Variants in FCRL5 observed in about 807,000 individuals in gnomAD.
FCRL5 encodes the protein Fc receptor like 5.
A neutral mutation model predicts 92.1 loss-of-function variants in FCRL5; 79 were observed. The ratio of observed to expected loss-of-function variants is 0.86; its 90% confidence interval spans 0.72 to 1.03. The LOEUF is 1.03. Among genes scored for constraint, FCRL5 ranks in the 50% least tolerant of loss-of-function variants. FCRL5 has a pLI of 0.00. For synonymous variants in FCRL5, 466 were observed against 469.3 expected (o/e 0.99, Z 0.09); for missense variants, 1,160 against 1,181.1 (o/e 0.98, Z 0.26).
intron 7 of FCRL5, among the ~76,000 whole-genome samples, chr1:157,536,868 A>C (rs1485333769): frequency 6.6e-6 from 1 of 152,248 alleles, no homozygotes; most frequent in East Asian, 1.9e-4. Flanking sequence ...CCAAATTAAT[A>C]CTTTTATAAT....
chr1:157,516,105 C>T (rs1347015203), intron 15 of FCRL5: 1 of 616,106 alleles, frequency 1.6e-6, no homozygotes, highest in Non-Finnish European at 2.9e-6. Flanking sequence ...GTGGCCCACT[C>T]TGAGCTGCCT....
At chr1:157,530,174 A>C (rs760473725) in intron 8 of FCRL5, among the ~76,000 whole-genome samples, 30 of 152,200 alleles carry the variant, frequency 2.0e-4, no homozygotes, top group Non-Finnish European at 3.7e-4. Context: ...CGTGCATGGG[A>C]TCACAATAAC....
chr1:157,549,221 T>G (rs1404187475), intron 2 of FCRL5, among the ~76,000 whole-genome samples: 2 of 133,172 alleles, frequency 1.5e-5, no homozygotes, highest in African/African-American at 2.9e-5. Flanking sequence ...CACTCATAGG[T>G]GGGAATTGAA....
At chr1:157,523,815 G>A (rs1558128804) in intron 10 of FCRL5, 1 of 172,732 alleles carries the variant, frequency 5.8e-6, no homozygotes, top group Non-Finnish European at 1.2e-5. Context: ...CATAGCTTAT[G>A]TTAACATAGG....
At chr1:157,535,212 G>A (rs565455418) in intron 7 of FCRL5, among the ~76,000 whole-genome samples, 23 of 152,264 alleles carry the variant, frequency 1.5e-4, no homozygotes, top group African/African-American at 3.1e-4. Context: ...CACTTGCACC[G>A]CTCCTCACTT....
intron 10 of FCRL5, 95 bp from the exon 11 acceptor site, chr1:157,521,387 A>T (rs1650189339): frequency 7.3e-7 from 1 of 1,377,652 alleles, no homozygotes; most frequent in Non-Finnish European, 9.7e-7. Flanking sequence ...GTCATATCTC[A>T]ATCTTGGAAA....
In FCRL5 at chr1:157,513,520, C is replaced by T. The variant is rs1210776306; in HGVS notation, c.*2155G>A. 3 of 152,164 alleles carry T rather than the reference C, an allele frequency of 2.0e-5. No homozygotes were observed. The highest frequency in any genetic ancestry group is 7.2e-5 in the African/African-American group (3 of 41,430). The allele number at this position is 152,164 out of a possible 1,614,324, so 9.4% of individuals were successfully genotyped here. On this transcript the variant is annotated 3_prime_UTR_variant, in exon 17 of 17. Coordinates refer to ENST00000361835, the MANE Select transcript of FCRL5 (RefSeq NM_031281.3). ...AGTCCATATGCCAGCAAGCTCAAGACCCAAGAAGAGCCATTTTTCAGTTTG... is the reference window on the plus strand; with the variant it reads ...AGTCCATATGCCAGCAAGCTCAAGATCCAAGAAGAGCCATTTTTCAGTTTG...
chr1:157,536,470 C>A lies in FCRL5; in HGVS notation c.1403-1578G>T, dbSNP rs915690339. 3.9e-5 allele frequency among the ~76,000 whole-genome samples: 6 copies of A among 152,340 alleles called. 1 individual carries two copies. In the East Asian group the frequency reaches 1.2e-3, roughly 29 times the overall value. ...CTCCCTTGTTGGGCTCCCTCCTTCA[C>A]GCCTGGCTGCTCCTCAAACAGGTTG... On this transcript the variant is annotated intron_variant, in intron 7 of 16. Transcript: ENST00000361835.
In FCRL5 at chr1:157,546,965, A is replaced by T; in HGVS notation, c.285T>A (p.Pro95=). 6.2e-7 allele frequency: 1 copy of T among 1,613,562 alleles called. No individual in the cohort carries two copies. Among genetic ancestry groups the T allele is most frequent in the Non-Finnish European group, 8.5e-7 (1 of 1,179,660 alleles). Residue 95 remains proline (P), a synonymous_variant, in exon 3 of 17, where the codon CCT becomes CCA. Coordinates refer to ENST00000361835, the MANE Select transcript of FCRL5 (RefSeq NM_031281.3). ...CACCTGAAGAAAAATCCAAGTGCAC[A>T]GGGCTACTGAGAGGGGAGCCCTGGG... The part of the protein sequence containing the change: ...CQAQGSPLSS[P]VHLDFSSASL...
chr1:157,524,140 AG>A (rs1164889893), intron 10 of FCRL5, 138 bp downstream of exon 10: 1 of 766,802 alleles, frequency 1.3e-6, no homozygotes, highest in Non-Finnish European at 2.1e-6. Flanking sequence ...TTTCACAGGG[AG>A]GTTCTGCAGG....
At chr1:157,543,295 C>T (rs567402467) in intron 5 of FCRL5, among the ~76,000 whole-genome samples, 158 bp from the exon 6 acceptor site, 6 of 152,370 alleles carry the variant, frequency 3.9e-5, no homozygotes, top group African/African-American at 1.2e-4. Context: ...CTCCTTCCTT[C>T]TGCCCTATGA....
At chr1:157,552,148 G>A (rs1166167285) in intron 1 of FCRL5, among the ~76,000 whole-genome samples, 184 bp downstream of exon 1, 3 of 152,178 alleles carry the variant, frequency 2.0e-5, no homozygotes, top group Non-Finnish European at 4.4e-5. Context: ...CCTTCCAGCT[G>A]TGGCCATTTT....
intron 8 of FCRL5, chr1:157,533,792 A>G (rs1033282334): frequency 6.6e-6 from 1 of 152,492 alleles, no homozygotes; most frequent in Non-Finnish European, 1.5e-5. Context: ...GCTTCCTAGT[A>G]GATTTGGCTC....
chr1:157,549,989 C>T (rs1329030832), intron 1 of FCRL5, among the ~76,000 whole-genome samples: 1 of 152,012 alleles, frequency 6.6e-6, no homozygotes, highest in Non-Finnish European at 1.5e-5. Flanking sequence ...ATGTGTTGAA[C>T]AGGATGGGTG....
At chr1:157,533,432 C>T (rs1650788919) in intron 8 of FCRL5, 1 of 152,152 alleles carries the variant, frequency 6.6e-6, no homozygotes, top group Non-Finnish European at 1.5e-5. Context: ...TCTATTCTTA[C>T]TGCTTCAAAT....
rs147465830 is a variant in FCRL5 at position 157,529,387 on chromosome 1, G to A, written c.1682-1492C>T. ...TTACAACCACTATGAAAACAGTATG[G>A]AGATTCCTTAAAGAACTAAAAGTAG... On this transcript the variant is annotated intron_variant, in intron 8 of 16. Coordinates refer to ENST00000361835, the MANE Select transcript of FCRL5 (RefSeq NM_031281.3). 3.4e-3 allele frequency among the ~76,000 whole-genome samples: 514 copies of A among 152,300 alleles called. 1 individual carries two copies. Among genetic ancestry groups the A allele is most frequent in the Non-Finnish European group, 5.9e-3 (403 of 68,030 alleles).
In FCRL5 at chr1:157,539,230, C is replaced by T; in HGVS notation, c.1258G>A (p.Ala420Thr). 1.9e-6 allele frequency: 3 copies of T among 1,614,202 alleles called. No homozygotes were observed. The highest frequency in any genetic ancestry group is 1.7e-6 in the Non-Finnish European group (2 of 1,180,044). Residue 420 changes from alanine (A) to threonine (T), a missense_variant, in exon 7 of 17, where the codon GCC becomes ACC. Transcript: ENST00000361835. ...ILYQFHHEGA[A>T]LERRSANSAG... ...GAGTTGGCCGACCTACGCTCCAGGG[C>T]AGCACCCTCATGATGAAACTGGTAC...
chr1:157,518,736 G>A lies in FCRL5; in HGVS notation c.2707C>T (p.Pro903Ser). The A allele has an allele frequency of 6.2e-7, 1 of 1,613,548 alleles. No individual in the cohort carries two copies. The highest frequency in any genetic ancestry group is 1.7e-5 in the Admixed American group (1 of 59,980). The stretch of plus-strand genomic sequence containing the variant: ...ACTGGTTGCAGCTCTTCCCAGGCTG[G>A]TACATTGTGATAGGTGGGCTCTTGG... ...DSQEPTYHNV[P>S]AWEELQPVYT... Residue 903 changes from proline to serine, a missense_variant, in exon 14 of 17, where the codon CCA becomes TCA. By Grantham distance (74) the Pro-to-Ser change is moderately conservative. Coordinates refer to ENST00000361835, the MANE Select transcript of FCRL5 (RefSeq NM_031281.3).
chr1:157,535,502 A>G (rs1190434642), intron 7 of FCRL5, among the ~76,000 whole-genome samples: 1 of 152,194 alleles, frequency 6.6e-6, no homozygotes, highest in Admixed American at 6.5e-5. Context: ...GGAAGAAGTG[A>G]CCTACATTTA....
Sources: gnomAD v4.1 joint callset for allele counts (sites outside exome capture counted in the v4.1 genomes callset) on GRCh38, gnomAD v4.1.1 for gene constraint, MANE v1.5 for transcripts, NCBI Gene and HGNC (gene_info 2026-07-23, HGNC 2026-07-21) for gene names.